HGS: variants seen among roughly 807,000 people sequenced by gnomAD.
HGS encodes human growth factor-regulated tyrosine kinase substrate.
HGS carries 63 observed loss-of-function variants against 109.7 expected under a neutral mutation model. The observed-to-expected ratio is 0.57, with a 90% CI of 0.47 to 0.71. The LOEUF (loss-of-function observed/expected upper bound fraction) is 0.71. Among genes scored for constraint, HGS ranks in the 30% least tolerant of loss-of-function variants. HGS has a pLI of 0.00. For missense variants in HGS, 995 were observed against 1,068.3 expected, an observed-to-expected ratio of 0.93 and a Z score of 0.96; for synonymous variants, 546 against 437.3, an observed-to-expected ratio of 1.25 and a Z score of -3.10.
At chr17:81,690,104 C>T (rs780533851) in intron 5 of HGS, 78 bp from the exon 6 acceptor site, 1 of 1,501,382 alleles carries the variant, frequency 6.7e-7, no homozygotes, top group Non-Finnish European at 9.2e-7. Context: ...GTTGCAGCTG[C>T]CGAGAGTGAG....
intron 1 of HGS, chr17:81,684,532 C>G (rs1300918860): frequency 1.2e-5 from 2 of 169,438 alleles, no homozygotes; most frequent in African/African-American, 4.7e-5. Flanking sequence ...GCAGTGTTCT[C>G]TCTGGGACCT....
At chr17:81,700,638 C>G (rs750101674) in intron 19 of HGS, 38 bp downstream of exon 19, 2 of 1,320,832 alleles carry the variant, frequency 1.5e-6, no homozygotes, top group African/African-American at 1.8e-5. Flanking sequence ...CCAGGGCCAG[C>G]CCCAGCCCCA....
At chr17:81,686,882 C>A in intron 3 of HGS, 121 bp from the exon 4 acceptor site, 2 of 746,908 alleles carry the variant, frequency 2.7e-6, no homozygotes. Flanking sequence ...GGGTTCCCCA[C>A]CGGCCACTGA....
intron 1 of HGS, chr17:81,684,436 A>T (rs751895882): frequency 3.6e-6 from 1 of 275,010 alleles, no homozygotes; most frequent in Non-Finnish European, 6.8e-6. Flanking sequence ...ACAAGGCCTG[A>T]GTCATGAAAG....
chr17:81,694,195 C>G (rs1023295480), intron 11 of HGS, among the ~76,000 whole-genome samples: 2 of 152,208 alleles, frequency 1.3e-5, no homozygotes, highest in African/African-American at 4.8e-5. Flanking sequence ...ATGGGACAGG[C>G]TGTGGGGGAG....
intron 3 of HGS, 142 bp from the exon 4 acceptor site, chr17:81,686,861 G>A: frequency 1.5e-6 from 1 of 655,648 alleles, no homozygotes; most frequent in Middle Eastern, 3.7e-4. Context: ...GAAGGGCTCT[G>A]CTGTCCCACC....
intron 4 of HGS, among the ~76,000 whole-genome samples, chr17:81,688,362 C>T (rs892655224): frequency 3.3e-5 from 5 of 152,312 alleles, no homozygotes; most frequent in Non-Finnish European, 5.9e-5. Flanking sequence ...CCCAACACCA[C>T]GCTGCCACCG....
chr17:81,695,754 C>G, intron 14 of HGS, 32 bp from the exon 15 acceptor site: 3 of 1,605,948 alleles, frequency 1.9e-6, no homozygotes, highest in Non-Finnish European at 2.6e-6. Context: ...GGGGCGTGGC[C>G]GCACTCATCC....
rs1268292285 is a variant in HGS at position 81,691,819 on chromosome 17, C to CTTGGGT, written c.662+264_662+269dup. 109 of 445,908 alleles carry CTTGGGT rather than the reference C, an allele frequency of 2.4e-4. No homozygotes were observed. Among genetic ancestry groups the CTTGGGT allele is most frequent in the Admixed American group, 5.2e-4 (15 of 29,042 alleles). 27.6% of individuals were successfully genotyped at this position (445,908 alleles called of 1,614,324 possible). On this transcript the variant is annotated intron_variant, in intron 8 of 21. Transcript: ENST00000329138. This position sits in a 1 kb window ranked among gnomAD's most constrained non-coding sequence, Gnocchi z 5.3. ...CGAGGCTGCCCCGACAAACCTGTTGCTTGGGTTTGGGTTTGGGTTTGTTTG... is the reference window on the plus strand; with the variant it reads ...CGAGGCTGCCCCGACAAACCTGTTGCTTGGGTTTGGGTTTGGGTTTGGGTTTGTTTG...
In HGS at chr17:81,693,636, C is replaced by T. The variant is rs1278238944; in HGVS notation, c.742-18C>T. The T allele has an allele frequency of 3.2e-6, 5 of 1,548,572 alleles. No homozygotes were observed. In the African/African-American group the frequency reaches 6.8e-5, roughly 21 times the overall value. ...CTCTTCCCCGGCGCCCCCCCTCACC[C>T]TCCCCGCTTGTCCTCAGCTGCCCCC... On this transcript the variant is annotated intron_variant, in intron 9 of 21. Transcript: ENST00000329138.
In HGS at chr17:81,691,722, C is replaced by T. The variant is rs2037065839; in HGVS notation, c.662+151C>T. ...AAGGTCAAGGGAAACCCAGGGTGGCCGCATGCCCTCGGACCCTGCCCCACA... is the reference window on the plus strand; with the variant it reads ...AAGGTCAAGGGAAACCCAGGGTGGCTGCATGCCCTCGGACCCTGCCCCACA... On this transcript the variant is annotated intron_variant, in intron 8 of 21. Transcript: ENST00000329138. The surrounding 1 kb of genome is among the most constrained non-coding windows in gnomAD (Gnocchi z 5.3). The T allele has an allele frequency of 1.6e-5, 16 of 974,128 alleles. No individual in the cohort carries two copies. The highest frequency in any genetic ancestry group is 1.5e-4 in the South Asian group (10 of 66,340). The allele number at this position is 974,128 out of a possible 1,614,324, so 60.3% of individuals were successfully genotyped here.
At chr17:81,690,452 G>A (rs2037046405) in intron 6 of HGS, 1 of 636,922 alleles carries the variant, frequency 1.6e-6, no homozygotes, top group African/African-American at 1.8e-5. Context: ...AGGGGGCTCG[G>A]GAAAGGAAAA....
intron 4 of HGS, among the ~76,000 whole-genome samples, 189 bp from the exon 5 acceptor site, chr17:81,688,515 G>A (rs79449662): frequency 1.2e-4 from 18 of 152,204 alleles, no homozygotes; most frequent in Non-Finnish European, 7.3e-5. Context: ...AGAGGCAGGC[G>A]TGAGGTTTGA....
rs376671772 is a variant in HGS, at chr17:81,696,981, T to C, written c.1865T>C (p.Met622Thr). Residue 622 changes from methionine to threonine, a missense_variant, in exon 18 of 22, where the codon ATG (methionine) becomes ACG (threonine). Transcript: ENST00000329138. Reference sequence around the variant, plus strand: ...CCTGCCGCTGGCCCCTACCCCAGCATGCCCAGCACTGCGGCTGGTAAGGAC... The same window carrying C: ...CCTGCCGCTGGCCCCTACCCCAGCACGCCCAGCACTGCGGCTGGTAAGGAC... ...PAPAAGPYPS[M>T]PSTAADPSMV... The C allele has an allele frequency of 1.4e-5, 22 of 1,590,862 alleles. No individual in the cohort carries two copies. In the African/African-American group the frequency reaches 2.6e-4, roughly 19 times the overall value.
At chr17:81,696,784 G>T (rs774937153) in intron 17 of HGS, 37 bp downstream of exon 17, 1 of 1,602,348 alleles carries the variant, frequency 6.2e-7, no homozygotes, top group South Asian at 1.1e-5. Context: ...AGGCTTGTGG[G>T]CTGAGGACCA....
Position 81,700,606 on chromosome 17 carries a change from C to A in HGS, c.2016+6C>A. 6.3e-7 allele frequency: 1 copy of A among 1,599,546 alleles called. No homozygotes were observed. The highest frequency in any genetic ancestry group is 8.5e-7 in the Non-Finnish European group (1 of 1,171,718). On this transcript the variant is annotated splice_donor_region_variant and intron_variant, in intron 19 of 21. Transcript: ENST00000329138. ...CTCCCACAGCGGGCTACCAGGTACA[C>A]AGGAAGGCCGCTCCTCTCCTTCCAG...
At chr17:81,685,988 T>C (rs1218746474) in intron 2 of HGS, among the ~76,000 whole-genome samples, 1 of 152,140 alleles carries the variant, frequency 6.6e-6, no homozygotes, top group East Asian at 1.9e-4. Context: ...TGAAGTGCAG[T>C]GGCGTGATCT....
At chr17:81,695,585 G>C (rs757103504) in intron 14 of HGS, 13 of 616,840 alleles carry the variant, frequency 2.1e-5, no homozygotes, top group Non-Finnish European at 3.7e-5. Context: ...AGCCAGCTCC[G>C]TCCTGACCAG....
At position 81,701,340 on chromosome 17, in the gene HGS, C is replaced by T. The variant is rs184451025; in HGVS notation, c.2224-168C>T. On this transcript the variant is annotated intron_variant, in intron 21 of 21. Coordinates refer to ENST00000329138, the MANE Select transcript of HGS (RefSeq NM_004712.5). Reference sequence around the variant, plus strand: ...ATCCGCAAGTGTAGACAGGAAAAACCGTGAATTTACTTGAAAGGCAAAGGC... The same window carrying T: ...ATCCGCAAGTGTAGACAGGAAAAACTGTGAATTTACTTGAAAGGCAAAGGC... 95 of 859,390 alleles carry T rather than the reference C, an allele frequency of 1.1e-4. No homozygotes were observed. In the East Asian group the frequency reaches 1.9e-3, roughly 17 times the overall value. 53.2% of individuals were successfully genotyped at this position (859,390 alleles called of 1,614,324 possible).
Sources: allele counts gnomAD v4.1 joint callset (sites outside exome capture counted in the v4.1 genomes callset), GRCh38; gene constraint gnomAD v4.1.1; non-coding constraint Gnocchi (gnomAD v3.1); transcripts MANE v1.5; gene names NCBI Gene and HGNC (gene_info 2026-07-23, HGNC 2026-07-21).